XKR5: variants seen among roughly 807,000 people sequenced by gnomAD.
The protein encoded by XKR5 is XK-related protein 5.
A neutral mutation model predicts 40.8 loss-of-function variants in XKR5; 46 were observed. The ratio of observed to expected loss-of-function variants is 1.13; its 90% CI spans 0.89 to 1.44. The LOEUF (loss-of-function observed/expected upper bound fraction) is 1.44. XKR5 is among the 40% of genes most tolerant of loss of function. XKR5 has a pLI of 0.00. For missense variants in XKR5, 1,169 were observed against 844.7 expected (o/e 1.38, Z -4.76); for synonymous variants, 466 against 356.1 (o/e 1.31, Z -3.48).
intron 4 of XKR5, among the ~76,000 whole-genome samples, chr8:6,822,908 T>C (rs1804304026): frequency 1.3e-5 from 2 of 152,362 alleles, no homozygotes; most frequent in South Asian, 2.1e-4. Flanking sequence ...TTGGAAGCTA[T>C]GTGCAGTATG....
chr8:6,829,230 T>C (rs1189741979), intron 2 of XKR5: 1 of 169,272 alleles, frequency 5.9e-6, no homozygotes, highest in African/African-American at 2.4e-5. Flanking sequence ...GAAAAATTGC[T>C]AAACCAAGGT....
chr8:6,812,388 T>G, intron 6 of XKR5, 49 bp from the exon 7 acceptor site: 1 of 1,481,048 alleles, frequency 6.8e-7, no homozygotes, highest in Non-Finnish European at 9.0e-7. Flanking sequence ...GAAGTCTGCA[T>G]CCTCCCTCTG....
At chr8:6,827,141 G>C (rs572836571) in intron 2 of XKR5, among the ~76,000 whole-genome samples, 2 of 152,136 alleles carry the variant, frequency 1.3e-5, no homozygotes, top group African/African-American at 4.8e-5. Flanking sequence ...CGGGCTCTCA[G>C]GCTTCGAGTC....
chr8:6,815,207 C>A (rs1184102312), intron 6 of XKR5, among the ~76,000 whole-genome samples: 6 of 152,200 alleles, frequency 3.9e-5, no homozygotes, highest in African/African-American at 1.2e-4. Context: ...CCCTGCGGAA[C>A]TCATGCCAAT....
At chr8:6,820,656 A>G (rs560721582) in intron 5 of XKR5, among the ~76,000 whole-genome samples, 2 of 152,360 alleles carry the variant, frequency 1.3e-5, no homozygotes, top group African/African-American at 4.8e-5. Flanking sequence ...CCCTGCCACA[A>G]GTGAACCTAT....
Position 6,811,038 on chromosome 8 carries a change from CCAGCCCTGTTTCTT to C in XKR5, c.*146_*159del, listed in dbSNP as rs72403823. On this transcript the variant is annotated 3_prime_UTR_variant, in exon 7 of 7. Transcript: ENST00000618742. ...GTTTGCATTGGACCTGCAAAATCAT[CCAGCCCTGTTTCTT>C]CATTTTTCAGGGATGCAGATGGAGA... 66,229 of 762,902 alleles carry C rather than the reference CCAGCCCTGTTTCTT, an allele frequency of 0.087. 4,171 individuals are homozygous for C. Among genetic ancestry groups the C allele is most frequent in the African/African-American group, 0.27 (15,720 of 57,432 alleles). The allele number at this position is 762,902 out of a possible 1,614,324, so 47.3% of individuals were successfully genotyped here.
rs1326123582 is a variant in XKR5, at chr8:6,811,604, G to T, written c.1655C>A (p.Thr552Lys). 3 of 1,537,410 alleles carry T rather than the reference G, an allele frequency of 2.0e-6. No homozygotes were observed. Among genetic ancestry groups the T allele is most frequent in the Non-Finnish European group, 8.7e-7 (1 of 1,146,946 alleles). The change falls in exon 7 of 7, where the codon ACA becomes AAA. Residue 552 changes from threonine to lysine, a missense_variant. By Grantham distance (78) the Thr-to-Lys change is moderately conservative. Transcript: ENST00000618742. ...TGGGCTGCCTTCTTGTTGTGAGGAT[G>T]TGGCCACTTCTGCAGTGGCGCTGAA... Reference protein sequence around the residue: ...LYFSATAEVATSSQQEGSPAT... With the variant: ...LYFSATAEVAKSSQQEGSPAT...
chr8:6,832,761 G>C lies in XKR5; in HGVS notation c.198C>G (p.Cys66Trp). Residue 66 changes from cysteine (C) to tryptophan (W), a missense_variant, in exon 2 of 7, where the codon TGC (cysteine) becomes TGG (tryptophan). Cys to Trp is a radical substitution (Grantham distance 215). Coordinates refer to ENST00000618742, the MANE Select transcript of XKR5 (RefSeq NM_207411.5). ...GTAGGAGGTGCAGCATCATCAAGGAGCAATGCCCTGGATGCCCGTCTGCTC... is the reference window on the plus strand; with the variant it reads ...GTAGGAGGTGCAGCATCATCAAGGACCAATGCCCTGGATGCCCGTCTGCTC... The part of the protein sequence containing the change: ...WFRADGHPGH[C>W]SLMMLHLLQL... 6.2e-7 allele frequency: 1 copy of C among 1,613,488 alleles called. No individual in the cohort carries two copies. The highest frequency in any genetic ancestry group is 8.5e-7 in the Non-Finnish European group (1 of 1,179,698).
At chr8:6,823,301 C>G (rs10112030) in intron 4 of XKR5, among the ~76,000 whole-genome samples, 17,776 of 152,186 alleles carry the variant, frequency 0.12, 1,536 homozygotes, top group East Asian at 0.3. Flanking sequence ...CTTGCCATTG[C>G]AATTCTCAGC....
intron 5 of XKR5, 56 bp from the exon 6 acceptor site, chr8:6,815,974 C>A (rs952931931): frequency 5.8e-6 from 8 of 1,376,428 alleles, no homozygotes; most frequent in Admixed American, 3.9e-5. Flanking sequence ...TGCCTAGGGA[C>A]CCCCGTCCCG....
chr8:6,821,837 T>C, intron 5 of XKR5, 32 bp downstream of exon 5: 2 of 1,602,854 alleles, frequency 1.2e-6, no homozygotes, highest in Non-Finnish European at 1.7e-6. Flanking sequence ...GTATACACTG[T>C]AAAAGTTAGG....
chr8:6,808,882 A>T lies in XKR5; in HGVS notation c.*2316T>A, dbSNP rs1167915187. On this transcript the variant is annotated 3_prime_UTR_variant, in exon 7 of 7. Coordinates refer to ENST00000618742, the MANE Select transcript of XKR5 (RefSeq NM_207411.5). The stretch of plus-strand genomic sequence containing the variant: ...AGGATATGCACTCAAGCTGAAATTC[A>T]TGCCCACAGCCCCGCTCGTTAGTGA... The T allele has an allele frequency of 6.6e-6, 1 of 152,232 alleles. No homozygotes were observed. The highest frequency in any genetic ancestry group is 1.5e-5 in the Non-Finnish European group (1 of 68,044). 9.4% of individuals were successfully genotyped at this position (152,232 alleles called of 1,614,324 possible). A position where few individuals can be genotyped will look rare whatever the true frequency, so the allele number is the denominator to read the frequency against.
At chr8:6,823,016 C>T (rs1563356023) in intron 4 of XKR5, among the ~76,000 whole-genome samples, 1 of 152,180 alleles carries the variant, frequency 6.6e-6, no homozygotes, top group Non-Finnish European at 1.5e-5. Context: ...AGATTTTGGC[C>T]TGTAACACAG....
Position 6,811,543 on chromosome 8 carries a change from C to A in XKR5, c.1716G>T (p.Leu572=). Residue 572 remains leucine (L), a synonymous_variant, in exon 7 of 7, where the codon CTG becomes CTT. Coordinates refer to ENST00000618742, the MANE Select transcript of XKR5 (RefSeq NM_207411.5). ...TLQTAHSGRR[L]GKSSPAQPAS... is the part of the protein sequence containing the mutation. Reference sequence around the variant, plus strand: ...CAGGCTGGGCAGGGCTGCTCTTTCCCAGCCTCCTTCCAGAGTGGGCCGTTT... The same window carrying A: ...CAGGCTGGGCAGGGCTGCTCTTTCCAAGCCTCCTTCCAGAGTGGGCCGTTT... The A allele has an allele frequency of 6.5e-7, 1 of 1,535,282 alleles. No homozygotes were observed. Among genetic ancestry groups the A allele is most frequent in the South Asian group, 1.2e-5 (1 of 83,754 alleles).
At chr8:6,832,512 G>A (rs1266920093) in intron 2 of XKR5, among the ~76,000 whole-genome samples, 2 of 152,212 alleles carry the variant, frequency 1.3e-5, no homozygotes, top group Non-Finnish European at 2.9e-5. Flanking sequence ...CAGAGAAAGA[G>A]CCCCTGAGGT....
At chr8:6,831,951 G>A (rs1804785375) in intron 2 of XKR5, among the ~76,000 whole-genome samples, 1 of 144,714 alleles carries the variant, frequency 6.9e-6, no homozygotes, top group Admixed American at 7.2e-5. Flanking sequence ...GGAGGCGGAG[G>A]TTGCAGTGAG....
chr8:6,825,887 G>A (rs187432028), intron 2 of XKR5, among the ~76,000 whole-genome samples: 1 of 152,316 alleles, frequency 6.6e-6, no homozygotes, highest in East Asian at 1.9e-4. Context: ...GCTTTGCTGG[G>A]GAGTGGCCAG....
rs557886780 is a variant in XKR5, at chr8:6,818,580, G to A, written c.808-2662C>T. Among the ~76,000 whole-genome samples the A allele has an allele frequency of 2.8e-4, 42 of 152,360 alleles. No individual in the cohort carries two copies. In the Middle Eastern group the frequency reaches 0.014, roughly 49 times the overall value. ...AGAAGTGATCAACAGGCAGGCTTCCGCCTCTGAGCAGGAGGTGAGGACAGT... is the reference window on the plus strand; with the variant it reads ...AGAAGTGATCAACAGGCAGGCTTCCACCTCTGAGCAGGAGGTGAGGACAGT... On this transcript the variant is annotated intron_variant, in intron 5 of 6. Coordinates refer to ENST00000618742, the MANE Select transcript of XKR5 (RefSeq NM_207411.5).
chr8:6,813,844 A>C (rs909346280), intron 6 of XKR5, among the ~76,000 whole-genome samples: 1 of 152,230 alleles, frequency 6.6e-6, no homozygotes, highest in Non-Finnish European at 1.5e-5. Flanking sequence ...GAAACCAGGC[A>C]TCCACTCTCA....
Sources: allele counts gnomAD v4.1 joint callset (sites outside exome capture counted in the v4.1 genomes callset), GRCh38; gene constraint gnomAD v4.1.1; transcripts MANE v1.5; gene names NCBI Gene and HGNC (gene_info 2026-07-23, HGNC 2026-07-21).